Variants in TEAD4 observed in about 807,000 individuals in gnomAD.
TEAD4 encodes the protein transcriptional enhancer factor TEF-3.
In TEAD4, 36 loss-of-function variants were observed where a neutral mutation model predicts 52.4. That is an observed-to-expected ratio of 0.69 (90% CI 0.53 to 0.91). The LOEUF (loss-of-function observed/expected upper bound fraction) is 0.91. TEAD4 is among the 40% of genes least tolerant of loss of function. TEAD4 has a pLI of 0.00. For missense variants in TEAD4, 508 were observed against 583.9 expected, an observed-to-expected ratio of 0.87 and a Z score of 1.34; for synonymous variants, 220 against 231.0, an observed-to-expected ratio of 0.95 and a Z score of 0.43.
In TEAD4 at chr12:3,040,512, T is replaced by C; in HGVS notation, c.*34T>C. 1.3e-6 allele frequency: 2 copies of C among 1,596,760 alleles called. No individual in the cohort carries two copies. Among genetic ancestry groups the C allele is most frequent in the Non-Finnish European group, 1.7e-6 (2 of 1,166,434 alleles). On this transcript the variant is annotated 3_prime_UTR_variant, in exon 13 of 13. Coordinates refer to ENST00000359864, the MANE Select transcript of TEAD4 (RefSeq NM_003213.4). ...GGGAGCAGGGAGGGGGGAAGAGACG[T>C]GTGTGCAGGAAACGGGGACGTGGGG...
In TEAD4 at chr12:3,018,597, G is replaced by C. The variant is rs760153959; in HGVS notation, c.527+9G>C. 1.9e-6 allele frequency: 3 copies of C among 1,614,038 alleles called. No homozygotes were observed. The highest frequency in any genetic ancestry group is 3.3e-5 in the Admixed American group (2 of 60,028). On this transcript the variant is annotated intron_variant, in intron 7 of 12. Transcript: ENST00000359864. ...GCCGGAACGTCCCATGAGTGAGTAT[G>C]GCCTCTGGTTTCTCTTGCCAGTTGC... is the stretch of plus-strand genomic sequence containing the variant.
rs71534248 is a variant in TEAD4 at position 3,019,188 on chromosome 12, G to T, written c.583+18G>T. On this transcript the variant is annotated intron_variant, in intron 8 of 12. Coordinates refer to ENST00000359864, the MANE Select transcript of TEAD4 (RefSeq NM_003213.4). ...TCTGCCAGGTGGGTGGGCGCTGCGT[G>T]GCCCCCTTTCTATCGCAGCCATGTG... is the stretch of plus-strand genomic sequence containing the variant. 12,071 of 1,613,310 alleles carry T rather than the reference G, an allele frequency of 7.5e-3. 55 individuals are homozygous for T. The highest frequency in any genetic ancestry group is 9.0e-3 in the Non-Finnish European group (10,634 of 1,179,892).
At chr12:3,022,146 G>T in intron 10 of TEAD4, 129 bp downstream of exon 10, 6 of 1,250,104 alleles carry the variant, frequency 4.8e-6, no homozygotes, top group Non-Finnish European at 6.7e-6. Flanking sequence ...GAGAAGGGGA[G>T]AGTAAGCCCA....
At chr12:3,023,812 A>C (rs181225511) in intron 10 of TEAD4, among the ~76,000 whole-genome samples, 20 of 150,072 alleles carry the variant, frequency 1.3e-4, no homozygotes, top group African/African-American at 4.7e-4. Context: ...AAAAAGTGAA[A>C]AGCATCATAT....
chr12:2,977,246 C>CT (rs2098230494), intron 2 of TEAD4, among the ~76,000 whole-genome samples: 1 of 152,182 alleles, frequency 6.6e-6, no homozygotes, highest in African/African-American at 2.4e-5. Flanking sequence ...GCTCAGGCGT[C>CT]TTGAGTCCAG....
At chr12:2,970,297 G>A (rs117052516) in intron 2 of TEAD4, among the ~76,000 whole-genome samples, 19 of 152,316 alleles carry the variant, frequency 1.2e-4, no homozygotes, top group African/African-American at 3.6e-4. Flanking sequence ...GCGAGTGGTC[G>A]TGGTTGGCAC....
At chr12:3,014,756 G>A (rs957038278) in intron 5 of TEAD4, among the ~76,000 whole-genome samples, 2 of 152,142 alleles carry the variant, frequency 1.3e-5, no homozygotes, top group African/African-American at 4.8e-5. Context: ...ACTCCCCATC[G>A]GGTCCTTCCC....
chr12:3,008,836 C>T (rs564057365), intron 3 of TEAD4, among the ~76,000 whole-genome samples: 16 of 152,130 alleles, frequency 1.1e-4, no homozygotes, highest in African/African-American at 3.6e-4. Flanking sequence ...GTGCAAGGGA[C>T]GGGCCAGAGG....
chr12:2,971,901 C>G (rs538253611), intron 2 of TEAD4, among the ~76,000 whole-genome samples: 3 of 142,762 alleles, frequency 2.1e-5, no homozygotes, highest in African/African-American at 8.7e-5. Flanking sequence ...CAACCTCCGC[C>G]TCCCGGGTTC....
rs552158413 is a variant in TEAD4, at chr12:2,978,552, C to T, written c.-29-16186C>T. ...CTAAGTAGCTGGGACTATAGGCCTGCGCCACCGCCCCTGGCTAATTTTTGT... is the reference window on the plus strand; with the variant it reads ...CTAAGTAGCTGGGACTATAGGCCTGTGCCACCGCCCCTGGCTAATTTTTGT... On this transcript the variant is annotated intron_variant, in intron 2 of 12. Coordinates refer to ENST00000359864, the MANE Select transcript of TEAD4 (RefSeq NM_003213.4). Among the ~76,000 whole-genome samples, 493 of 151,908 alleles carry T rather than the reference C, an allele frequency of 3.2e-3. 2 individuals are homozygous for T. Among genetic ancestry groups the T allele is most frequent in the African/African-American group, 0.011 (444 of 41,448 alleles).
In TEAD4 at chr12:2,984,868, G is replaced by T. The variant is rs543520219; in HGVS notation, c.-29-9870G>T. Among the ~76,000 whole-genome samples the T allele has an allele frequency of 2.6e-5, 4 of 152,248 alleles. No homozygotes were observed. The East Asian group carries it at 5.8e-4, about 22-fold the overall frequency. ...AATGGAGCTTGCAGGACTGGAAGCTGCTCTGGGTGAGTCAGTGAGTGAATG... is the reference window on the plus strand; with the variant it reads ...AATGGAGCTTGCAGGACTGGAAGCTTCTCTGGGTGAGTCAGTGAGTGAATG... On this transcript the variant is annotated intron_variant, in intron 2 of 12. Coordinates refer to ENST00000359864, the MANE Select transcript of TEAD4 (RefSeq NM_003213.4).
At chr12:3,007,527 G>C (rs529000679) in intron 3 of TEAD4, among the ~76,000 whole-genome samples, 1 of 152,170 alleles carries the variant, frequency 6.6e-6, no homozygotes, top group African/African-American at 2.4e-5. Context: ...AGGTTTACGC[G>C]TTAGGACCCA....
chr12:3,024,879 A>G (rs866260929), intron 10 of TEAD4, among the ~76,000 whole-genome samples: 5 of 148,540 alleles, frequency 3.4e-5, no homozygotes, highest in East Asian at 2.0e-4. Context: ...TAATTTATCA[A>G]TTTCTCCTTT....
intron 3 of TEAD4, among the ~76,000 whole-genome samples, chr12:3,010,523 C>T (rs1415903563): frequency 2.0e-5 from 3 of 152,256 alleles, no homozygotes; most frequent in African/African-American, 7.2e-5. Context: ...ATGCCCGCTG[C>T]TGCCTGCAGA....
intron 3 of TEAD4, among the ~76,000 whole-genome samples, chr12:3,005,529 C>T (rs143119870): frequency 0.018 from 2,667 of 152,016 alleles, 85 homozygotes; most frequent in African/African-American, 0.06. Context: ...CAGAGTCTCG[C>T]TCTATCGCCC....
At chr12:3,007,084 T>C (rs566698400) in intron 3 of TEAD4, among the ~76,000 whole-genome samples, 1 of 152,266 alleles carries the variant, frequency 6.6e-6, no homozygotes, top group African/African-American at 2.4e-5. Context: ...GTGGCTCCTG[T>C]CCCGCCCCAT....
intron 2 of TEAD4, among the ~76,000 whole-genome samples, chr12:2,972,166 G>GC (rs1290078112): frequency 1.3e-5 from 2 of 151,778 alleles, no homozygotes; most frequent in African/African-American, 4.8e-5. Flanking sequence ...TCAGCCTTGA[G>GC]CTCCTGGGTT....
chr12:2,965,860 T>TATC (rs1030086399), intron 2 of TEAD4, among the ~76,000 whole-genome samples: 26 of 152,028 alleles, frequency 1.7e-4, no homozygotes, highest in Admixed American at 1.6e-3. Flanking sequence ...TTTTTTAAAT[T>TATC]ATCATTATTA....
chr12:3,027,246 G>A (rs1029913922), intron 10 of TEAD4, among the ~76,000 whole-genome samples: 6 of 152,108 alleles, frequency 3.9e-5, no homozygotes, highest in East Asian at 1.9e-4. Context: ...ATTTACAGGC[G>A]TGAGCCACCA....
Sources: allele counts gnomAD v4.1 joint callset (sites outside exome capture counted in the v4.1 genomes callset), GRCh38; gene constraint gnomAD v4.1.1; transcripts MANE v1.5; gene names NCBI Gene and HGNC (gene_info 2026-07-23, HGNC 2026-07-21).